Variants in EHBP1 observed in about 807,000 individuals in gnomAD.
EHBP1 encodes EH domain binding protein 1.
Under a neutral mutation model 144.0 loss-of-function variants are expected in EHBP1, and 55 were observed. The observed-to-expected ratio is 0.38, with a 90% confidence interval of 0.31 to 0.48. The LOEUF is 0.48. Among genes scored for constraint, EHBP1 ranks in the 20% least tolerant of loss-of-function variants. The pLI is 0.98. For synonymous variants in EHBP1, 469 were observed against 472.7 expected, an observed-to-expected ratio of 0.99 and a Z score of 0.10; for missense variants, 1,200 against 1,364.2, an observed-to-expected ratio of 0.88 and a Z score of 1.90.
chr2:62,759,638 C>G (rs2040600585), intron 3 of EHBP1, among the ~76,000 whole-genome samples: 1 of 152,094 alleles, frequency 6.6e-6, no homozygotes, highest in Non-Finnish European at 1.5e-5. Context: ...CTCCTGACCT[C>G]AAGTGATCAC....
intron 7 of EHBP1, among the ~76,000 whole-genome samples, chr2:62,851,087 A>C (rs1229056142): frequency 1.3e-5 from 2 of 152,186 alleles, no homozygotes; most frequent in Non-Finnish European, 2.9e-5. Flanking sequence ...TTTATTCTTC[A>C]ATTAACAAGT....
chr2:62,776,708 A>G (rs150608502), intron 5 of EHBP1, among the ~76,000 whole-genome samples: 4 of 152,336 alleles, frequency 2.6e-5, no homozygotes, highest in East Asian at 1.9e-4. Context: ...AGGATTAACA[A>G]CAAGTATTTC....
chr2:63,019,828 G>GA, intron 19 of EHBP1, among the ~76,000 whole-genome samples: 1 of 64,368 alleles, frequency 1.6e-5, no homozygotes, highest in Admixed American at 1.4e-4. Context: ...GGAAGAGGGG[G>GA]AGGGAAGGAA....
intron 9 of EHBP1, among the ~76,000 whole-genome samples, chr2:62,866,439 A>C (rs796148044): frequency 3.3e-5 from 5 of 152,346 alleles, no homozygotes; most frequent in African/African-American, 1.2e-4. Context: ...TAGATGCAGA[A>C]ATGGGACAGA....
chr2:63,004,644 C>T (rs1213726739), intron 19 of EHBP1, among the ~76,000 whole-genome samples: 1 of 152,020 alleles, frequency 6.6e-6, no homozygotes, highest in African/African-American at 2.4e-5. Context: ...GAGTCATTTT[C>T]AACCTAATGA....
chr2:62,860,299 G>C (rs1293449791), intron 8 of EHBP1, among the ~76,000 whole-genome samples: 1 of 152,146 alleles, frequency 6.6e-6, no homozygotes, highest in Non-Finnish European at 1.5e-5. Context: ...CGCCCAGCCT[G>C]ACCAACATAG....
chr2:62,759,203 T>C (rs990479108), intron 3 of EHBP1, among the ~76,000 whole-genome samples: 10 of 152,188 alleles, frequency 6.6e-5, no homozygotes, highest in Non-Finnish European at 4.4e-5. Flanking sequence ...ACCAGGATAA[T>C]GTATCCTAAC....
upstream of EHBP1, among the ~76,000 whole-genome samples, chr2:62,705,267 C>T (rs910565266): frequency 2.0e-5 from 3 of 152,032 alleles, no homozygotes; most frequent in Non-Finnish European, 4.4e-5. Flanking sequence ...GAGAAACCCA[C>T]AGGCAGCTGC....
intron 10 of EHBP1, among the ~76,000 whole-genome samples, chr2:62,926,990 A>G (rs1016367991): frequency 3.9e-5 from 6 of 152,202 alleles, no homozygotes; most frequent in African/African-American, 1.2e-4. Flanking sequence ...TATATACGTC[A>G]TGGAATACTA....
At chr2:62,819,337 A>C (rs1334946639) in intron 5 of EHBP1, among the ~76,000 whole-genome samples, 2 of 152,248 alleles carry the variant, frequency 1.3e-5, no homozygotes, top group African/African-American at 2.4e-5. Flanking sequence ...GTATTTTCCG[A>C]TAAAGGTGTA....
At chr2:63,013,645 A>T (rs2060362756) in intron 19 of EHBP1, among the ~76,000 whole-genome samples, 1 of 152,206 alleles carries the variant, frequency 6.6e-6, no homozygotes, top group South Asian at 2.1e-4. Context: ...GCTTGCTCTG[A>T]TCTTTACTCG....
intron 8 of EHBP1, 39 bp downstream of exon 8, chr2:62,859,330 T>C (rs1434666067): frequency 1.3e-6 from 2 of 1,558,542 alleles, no homozygotes; most frequent in Admixed American, 3.6e-5. Context: ...CTTTGTATAG[T>C]CAAGTTGACT....
At chr2:62,871,123 A>G (rs957323781) in intron 9 of EHBP1, among the ~76,000 whole-genome samples, 1 of 152,204 alleles carries the variant, frequency 6.6e-6, no homozygotes, top group African/African-American at 2.4e-5. Context: ...GTAGGTGCTG[A>G]GTAATAGCCA....
At chr2:62,957,662 T>TTTTTTTTG (rs2057774873) in intron 14 of EHBP1, among the ~76,000 whole-genome samples, 1 of 144,518 alleles carries the variant, frequency 6.9e-6, no homozygotes, top group African/African-American at 2.6e-5. Flanking sequence ...TTTTTTTTTT[T>TTTTTTTTG]TGAGATGGAG....
At chr2:62,989,135 C>T (rs2059313522) in intron 15 of EHBP1, among the ~76,000 whole-genome samples, 1 of 152,064 alleles carries the variant, frequency 6.6e-6, no homozygotes, top group Non-Finnish European at 1.5e-5. Flanking sequence ...AAATGTTTAA[C>T]CCAAAATTAG....
intron 1 of EHBP1, among the ~76,000 whole-genome samples, chr2:62,690,449 C>T (rs1461282810): frequency 2.0e-5 from 3 of 152,010 alleles, no homozygotes; most frequent in Non-Finnish European, 4.4e-5. Context: ...GGAATCCCAG[C>T]TACTTGGGAG....
chr2:63,042,852 T>C (rs2061726589), intron 21 of EHBP1, among the ~76,000 whole-genome samples: 1 of 151,976 alleles, frequency 6.6e-6, no homozygotes, highest in East Asian at 1.9e-4. Context: ...AAAATTTATG[T>C]TTTCTTGGTT....
intron 10 of EHBP1, among the ~76,000 whole-genome samples, chr2:62,891,471 T>C (rs1456278287): frequency 3.3e-5 from 5 of 152,126 alleles, no homozygotes; most frequent in African/African-American, 4.8e-5. Flanking sequence ...CATAGCACAA[T>C]TGAGTTAATG....
chr2:62,944,689 G>A (rs1386655282), intron 12 of EHBP1, among the ~76,000 whole-genome samples: 2 of 152,124 alleles, frequency 1.3e-5, no homozygotes, highest in Non-Finnish European at 2.9e-5. Context: ...AGGGGATATC[G>A]ATCCTTTCAG....
Sources: allele counts gnomAD v4.1 joint callset (sites outside exome capture counted in the v4.1 genomes callset), GRCh38; gene constraint gnomAD v4.1.1; transcripts MANE v1.5; gene names NCBI Gene and HGNC (gene_info 2026-07-23, HGNC 2026-07-21).